The following SYNE3 variants were observed in gnomAD, a reference collection of about 807,000 sequenced individuals.
SYNE3 encodes spectrin repeat containing nuclear envelope family member 3.
A neutral mutation model predicts 111.2 loss-of-function variants in SYNE3; 100 were observed. That is an observed-to-expected ratio of 0.90 (90% confidence interval 0.77 to 1.06). The LOEUF (loss-of-function observed/expected upper bound fraction) is 1.06. Among genes scored for constraint, SYNE3 ranks in the 50% least tolerant of loss-of-function variants. SYNE3 has a pLI of 0.00. For missense variants in SYNE3, 1,160 were observed against 1,240.3 expected (o/e 0.94, Z 0.97); for synonymous variants, 547 against 533.9 (o/e 1.02, Z -0.34).
In SYNE3 at chr14:95,487,430, G is replaced by A. The variant is rs115876919; in HGVS notation, c.-14-11595C>T. ...GAGCCGGCACTTCCACCGCGATGCC[G>A]TGTTTCACTGTCCGTGTTGCTGGCA... On this transcript the variant is annotated intron_variant, in intron 1 of 17. Coordinates refer to ENST00000682763, the MANE Select transcript of SYNE3 (RefSeq NM_152592.6). Among the ~76,000 whole-genome samples the A allele has an allele frequency of 5.1e-3, 774 of 152,288 alleles. 7 individuals are homozygous for A. Among genetic ancestry groups the A allele is most frequent in the African/African-American group, 0.018 (739 of 41,558 alleles).
intron 1 of SYNE3, among the ~76,000 whole-genome samples, chr14:95,480,089 C>T (rs1443010096): frequency 6.6e-6 from 1 of 152,138 alleles, no homozygotes; most frequent in Non-Finnish European, 1.5e-5. Flanking sequence ...AAGAACTGTG[C>T]AGTTTCCAAA....
At chr14:95,473,128 AAC>A (rs1048270461) in intron 2 of SYNE3, among the ~76,000 whole-genome samples, 1 of 152,134 alleles carries the variant, frequency 6.6e-6, no homozygotes, top group African/African-American at 2.4e-5. Context: ...GAAGTGGCAA[AAC>A]ACACAGTAAA....
In SYNE3 at chr14:95,440,090, G is replaced by A. The variant is rs369592795; in HGVS notation, c.1912-15C>T. The A allele has an allele frequency of 2.3e-5, 36 of 1,583,234 alleles. No homozygotes were observed. Among genetic ancestry groups the A allele is most frequent in the South Asian group, 3.4e-5 (3 of 89,340 alleles). ...TCCACAAGGTCCTGCAGCACAGCCC[G>A]GGGAGCCCAGGGCATCCTGAGTGCT... is the stretch of plus-strand genomic sequence containing the variant. On this transcript the variant is annotated splice_polypyrimidine_tract_variant and intron_variant, in intron 11 of 17. Transcript: ENST00000682763.
intron 17 of SYNE3, among the ~76,000 whole-genome samples, chr14:95,420,370 G>A (rs751286155): frequency 2.0e-5 from 3 of 152,156 alleles, no homozygotes; most frequent in African/African-American, 4.8e-5. Flanking sequence ...CCCAGCCTGG[G>A]TTTCCACTGC....
At position 95,457,175 on chromosome 14, in the gene SYNE3, A is replaced by T; in HGVS notation, c.789+2T>A. ...TCTGGTTGAGACACAGCTGGGGATT[A>T]CCTGCAGTGTGGAGAGGCGCTGCGT... On this transcript the variant is annotated splice_donor_variant, in intron 5 of 17. Coordinates refer to ENST00000682763, the MANE Select transcript of SYNE3 (RefSeq NM_152592.6). LOFTEE classifies it high-confidence loss of function. The T allele has an allele frequency of 6.2e-7, 1 of 1,612,998 alleles. No homozygotes were observed. Among genetic ancestry groups the T allele is most frequent in the Non-Finnish European group, 8.5e-7 (1 of 1,179,712 alleles).
intron 1 of SYNE3, among the ~76,000 whole-genome samples, chr14:95,490,597 G>A (rs1889802089): frequency 6.6e-6 from 1 of 152,254 alleles, no homozygotes; most frequent in African/African-American, 2.4e-5. Flanking sequence ...TACTGAGCTT[G>A]TAGACAAGTG....
intron 1 of SYNE3, among the ~76,000 whole-genome samples, chr14:95,494,046 G>A (rs1013898819): frequency 3.9e-5 from 6 of 152,068 alleles, no homozygotes; most frequent in African/African-American, 1.2e-4. Flanking sequence ...GCCAGGTGTG[G>A]TGGTGCCTGC....
At chr14:95,482,045 T>C (rs1190779742) in intron 1 of SYNE3, among the ~76,000 whole-genome samples, 1 of 152,224 alleles carries the variant, frequency 6.6e-6, no homozygotes, top group Non-Finnish European at 1.5e-5. Flanking sequence ...GGCCCCTACT[T>C]GGCTTTGCAA....
intron 1 of SYNE3, among the ~76,000 whole-genome samples, chr14:95,503,987 C>T (rs1355228903): frequency 6.6e-6 from 1 of 152,188 alleles, no homozygotes; most frequent in Non-Finnish European, 1.5e-5. Context: ...ACTCACCCTC[C>T]ACTGCAGAGG....
chr14:95,509,218 C>A (rs1890635955), intron 1 of SYNE3, among the ~76,000 whole-genome samples: 1 of 152,056 alleles, frequency 6.6e-6, no homozygotes, highest in African/African-American at 2.4e-5. Context: ...TGATGTCTAC[C>A]CAGGTGTTGG....
rs776484796 is a variant in SYNE3 at position 95,439,941 on chromosome 14, A to G, written c.2046T>C (p.Asp682=). Residue 682 remains aspartate (D), a synonymous_variant, in exon 12 of 18, where the codon GAT becomes GAC. Transcript: ENST00000682763. ...CAAACTCGGCCTCTTGGGACTCGGC[A>G]TCCCCCGGGCCCGCCTCTCCCCGGT... ...EAHRGEAGPG[D]AESQEAEFER... 2.5e-5 allele frequency: 41 copies of G among 1,613,124 alleles called. No individual in the cohort carries two copies. Among genetic ancestry groups the G allele is most frequent in the Non-Finnish European group, 3.4e-5 (40 of 1,179,640 alleles).
At chr14:95,476,995 T>G (rs1326361930) in intron 1 of SYNE3, among the ~76,000 whole-genome samples, 2 of 152,212 alleles carry the variant, frequency 1.3e-5, no homozygotes, top group Non-Finnish European at 2.9e-5. Context: ...ATGGTAATTT[T>G]TAGGATATAA....
chr14:95,485,504 C>A lies in SYNE3; in HGVS notation c.-14-9669G>T, dbSNP rs1391800683. ...GGCTGCTCCCCGACCAAAGACAGGA[C>A]GCCCTAACCTACAGGTGCTAGGAGC... On this transcript the variant is annotated intron_variant, in intron 1 of 17. Coordinates refer to ENST00000682763, the MANE Select transcript of SYNE3 (RefSeq NM_152592.6). The surrounding 1 kb of genome is among the most constrained non-coding windows in gnomAD (Gnocchi z 4.3). Among the ~76,000 whole-genome samples the A allele has an allele frequency of 1.3e-5, 2 of 152,150 alleles. No homozygotes were observed. The highest frequency in any genetic ancestry group is 4.8e-5 in the African/African-American group (2 of 41,424).
intron 1 of SYNE3, among the ~76,000 whole-genome samples, chr14:95,490,748 C>T (rs578230677): frequency 1.3e-5 from 2 of 152,364 alleles, no homozygotes; most frequent in Admixed American, 1.3e-4. Context: ...CAACCTGACA[C>T]TCTTCAGATA....
At chr14:95,432,026 C>T in intron 17 of SYNE3, 53 bp downstream of exon 17, 3 of 1,593,686 alleles carry the variant, frequency 1.9e-6, no homozygotes, top group Non-Finnish European at 2.6e-6. Flanking sequence ...GGCCCACCAA[C>T]CCTCCAGGCA....
At chr14:95,424,885 T>C (rs1885347650) in intron 17 of SYNE3, among the ~76,000 whole-genome samples, 1 of 152,202 alleles carries the variant, frequency 6.6e-6, no homozygotes, top group African/African-American at 2.4e-5. Context: ...AAAAAAAATC[T>C]ACCAGTAAGA....
chr14:95,468,155 C>T (rs145881850), intron 2 of SYNE3, among the ~76,000 whole-genome samples, 188 bp from the exon 3 acceptor site: 81 of 152,280 alleles, frequency 5.3e-4, no homozygotes, highest in African/African-American at 1.6e-3. Context: ...GGGTAGGAGG[C>T]GGGAGCAAAG....
At chr14:95,453,658 C>A (rs1365390937) in intron 6 of SYNE3, among the ~76,000 whole-genome samples, 1 of 152,240 alleles carries the variant, frequency 6.6e-6, no homozygotes, top group East Asian at 1.9e-4. Flanking sequence ...AGAAGCCCAG[C>A]ACATCAGTGG....
At chr14:95,463,499 C>T (rs1390581539) in intron 4 of SYNE3, among the ~76,000 whole-genome samples, 8 of 152,268 alleles carry the variant, frequency 5.3e-5, no homozygotes, top group Non-Finnish European at 8.8e-5. Flanking sequence ...CTGCACCAGG[C>T]GCTCTCTGCT....
Sources: allele counts gnomAD v4.1 joint callset (sites outside exome capture counted in the v4.1 genomes callset), GRCh38; gene constraint gnomAD v4.1.1; non-coding constraint Gnocchi (gnomAD v3.1); transcripts MANE v1.5; gene names NCBI Gene and HGNC (gene_info 2026-07-23, HGNC 2026-07-21).